KLHL1: variants seen among roughly 807,000 people sequenced by gnomAD.
KLHL1 encodes the protein kelch like family member 1, also known as kelch-like protein 1.
A neutral mutation model predicts 77.7 loss-of-function variants in KLHL1; 47 were observed. The observed-to-expected ratio is 0.60, with a 90% CI of 0.48 to 0.77. The LOEUF is 0.77. KLHL1 is among the 30% of genes least tolerant of loss of function. The pLI, the probability that KLHL1 is intolerant of heterozygous loss-of-function variation, is 0.00. For synonymous variants in KLHL1, 360 were observed against 325.2 expected, an observed-to-expected ratio of 1.11 and a Z score of -1.15; for missense variants, 925 against 910.8, an observed-to-expected ratio of 1.02 and a Z score of -0.20.
intron 7 of KLHL1, among the ~76,000 whole-genome samples, chr13:69,774,303 T>C (rs1875716675): frequency 6.6e-6 from 1 of 152,022 alleles, no homozygotes; most frequent in Non-Finnish European, 1.5e-5. Flanking sequence ...AGTACAAATA[T>C]ATAGTTGCAA....
chr13:70,082,472 A>G (rs1388978558), intron 1 of KLHL1, among the ~76,000 whole-genome samples: 6 of 152,116 alleles, frequency 3.9e-5, no homozygotes, highest in African/African-American at 1.2e-4. Flanking sequence ...AGGGGGATGT[A>G]GAACTAAGAC....
intron 1 of KLHL1, among the ~76,000 whole-genome samples, chr13:70,095,246 A>G (rs1364384227): frequency 1.3e-5 from 2 of 152,166 alleles, no homozygotes; most frequent in Non-Finnish European, 2.9e-5. Context: ...CACTTCCAGA[A>G]TAAAATGTTT....
chr13:70,103,198 T>A (rs531295792), intron 1 of KLHL1, among the ~76,000 whole-genome samples: 1 of 152,046 alleles, frequency 6.6e-6, no homozygotes, highest in Non-Finnish European at 1.5e-5. Context: ...ATAGTCTCTA[T>A]GCAAAGAAGG....
At chr13:69,876,804 G>A (rs940306708) in intron 5 of KLHL1, among the ~76,000 whole-genome samples, 4 of 152,158 alleles carry the variant, frequency 2.6e-5, no homozygotes, top group South Asian at 2.1e-4. Context: ...TTGGGAGGCC[G>A]AGGCGGGTGG....
At chr13:69,794,091 C>A (rs1046229565) in intron 7 of KLHL1, among the ~76,000 whole-genome samples, 1 of 152,058 alleles carries the variant, frequency 6.6e-6, no homozygotes, top group South Asian at 2.1e-4. Flanking sequence ...ATGAATATTA[C>A]CTTCTCATTT....
chr13:69,743,712 G>C (rs1277995657), intron 7 of KLHL1, among the ~76,000 whole-genome samples: 1 of 151,796 alleles, frequency 6.6e-6, no homozygotes, highest in East Asian at 1.9e-4. Flanking sequence ...CTTCAACCTG[G>C]GAGGCAGAGG....
Position 69,837,828 on chromosome 13 carries a change from A to G in KLHL1, c.1414+1148T>C, listed in dbSNP as rs1879089433. Among the ~76,000 whole-genome samples, 5 of 151,430 alleles carry G rather than the reference A, an allele frequency of 3.3e-5. No homozygotes were observed. The South Asian group carries it at 1.0e-3, about 31-fold the overall frequency. ...GAAGTTTCTAAGGCTTTCCTTCTTC[A>G]ATAATAGTATATTCTAAGCTTTAGT... On this transcript the variant is annotated intron_variant, in intron 6 of 10. Transcript: ENST00000377844.
At chr13:69,754,003 A>T (rs1362791602) in intron 7 of KLHL1, among the ~76,000 whole-genome samples, 1 of 148,860 alleles carries the variant, frequency 6.7e-6, no homozygotes, top group Non-Finnish European at 1.5e-5. Flanking sequence ...TGCCTGGCTA[A>T]TTTTTTTTTT....
chr13:69,946,688 A>G (rs116148422), intron 3 of KLHL1, among the ~76,000 whole-genome samples: 4,454 of 149,852 alleles, frequency 0.03, 26 homozygotes, highest in African/African-American at 0.11. Flanking sequence ...ATTTATTTTT[A>G]TTTTTGTAGC....
chr13:69,889,145 G>A (rs1449941559), intron 4 of KLHL1, among the ~76,000 whole-genome samples: 1 of 151,958 alleles, frequency 6.6e-6, no homozygotes, highest in Admixed American at 6.6e-5. Flanking sequence ...AGAGTTTTTA[G>A]TAATAATTAC....
intron 5 of KLHL1, among the ~76,000 whole-genome samples, chr13:69,841,292 T>C (rs968138152): frequency 6.6e-6 from 1 of 151,860 alleles, no homozygotes; most frequent in South Asian, 2.1e-4. Context: ...GTTTACTGAT[T>C]ATATAGTCTT....
chr13:69,773,521 T>C (rs77723045), intron 7 of KLHL1, among the ~76,000 whole-genome samples: 19,505 of 151,970 alleles, frequency 0.13, 1,576 homozygotes, highest in African/African-American at 0.23. Context: ...TAATAAATGG[T>C]AATAAGAGAA....
At chr13:69,986,279 T>C (rs982304199) in intron 1 of KLHL1, among the ~76,000 whole-genome samples, 3 of 151,982 alleles carry the variant, frequency 2.0e-5, no homozygotes, top group African/African-American at 4.8e-5. Context: ...AGGTTGACTA[T>C]AGTTAATAGT....
intron 6 of KLHL1, among the ~76,000 whole-genome samples, chr13:69,823,829 T>G (rs1266269741): frequency 6.6e-6 from 1 of 152,022 alleles, no homozygotes; most frequent in Non-Finnish European, 1.5e-5. Flanking sequence ...TCTCTCTCTC[T>G]CTCTTATGGT....
At position 69,839,079 on chromosome 13, in the gene KLHL1, A is replaced by AT; in HGVS notation, c.1310dup (p.His437GlnfsTer16). ...TTAAAGTTCTTCTTTCTGGCAATAG[A>AT]TGGTATTTCATTGCTTCTAGAATCA... On this transcript the variant is annotated frameshift_variant, in exon 6 of 11. Transcript: ENST00000377844. LOFTEE classifies it high-confidence loss of function. 1 of 1,610,342 alleles carries AT rather than the reference A, an allele frequency of 6.2e-7. No homozygotes were observed. The highest frequency in any genetic ancestry group is 8.5e-7 in the Non-Finnish European group (1 of 1,177,798).
At position 69,808,537 on chromosome 13, in the gene KLHL1, T is replaced by TAA. The variant is rs141977026; in HGVS notation, c.1415-11577_1415-11576dup. On this transcript the variant is annotated intron_variant, in intron 6 of 10. Coordinates refer to ENST00000377844, the MANE Select transcript of KLHL1 (RefSeq NM_020866.3). ...ATACGCCACAGTCATATCCCCAAGG[T>TAA]AAAAAAAACAGAATAAAAAAATCAA... 8.9e-3 allele frequency among the ~76,000 whole-genome samples: 1,329 copies of TAA among 149,380 alleles called. 12 individuals carry two copies. Among genetic ancestry groups the TAA allele is most frequent in the Non-Finnish European group, 0.015 (1,006 of 67,722 alleles).
At chr13:69,902,979 G>T (rs1241753088) in intron 4 of KLHL1, among the ~76,000 whole-genome samples, 1 of 152,074 alleles carries the variant, frequency 6.6e-6, no homozygotes, top group Non-Finnish European at 1.5e-5. Flanking sequence ...ATGTATGATT[G>T]CTTGTTAAAT....
chr13:69,997,214 C>CT (rs1885177976), intron 1 of KLHL1, among the ~76,000 whole-genome samples: 1 of 151,208 alleles, frequency 6.6e-6, no homozygotes, highest in Non-Finnish European at 1.5e-5. Context: ...GAGTGAGACT[C>CT]TGTCTCAAAA....
chr13:70,021,164 A>G (rs1050646285), intron 1 of KLHL1, among the ~76,000 whole-genome samples: 8 of 152,032 alleles, frequency 5.3e-5, no homozygotes, highest in Non-Finnish European at 7.4e-5. Flanking sequence ...TGCCCTAAAA[A>G]TCTTCTGCCC....
Sources: gnomAD v4.1 joint callset for allele counts (sites outside exome capture counted in the v4.1 genomes callset) on GRCh38, gnomAD v4.1.1 for gene constraint, MANE v1.5 for transcripts, NCBI Gene and HGNC (gene_info 2026-07-23, HGNC 2026-07-21) for gene names.